Variants in NAALADL2 observed in about 807,000 individuals in gnomAD.
NAALADL2 encodes N-acetylated alpha-linked acidic dipeptidase like 2, also known as inactive N-acetylated-alpha-linked acidic dipeptidase-like protein 2.
In NAALADL2, 76 loss-of-function variants were observed where a neutral mutation model predicts 87.2. The ratio of observed to expected loss-of-function variants is 0.87; its 90% CI spans 0.72 to 1.05. The LOEUF is 1.05. Among genes scored for constraint, NAALADL2 ranks in the 50% least tolerant of loss-of-function variants. The pLI, the probability that NAALADL2 is intolerant of heterozygous loss-of-function variation, is 0.00. For synonymous variants in NAALADL2, 354 were observed against 331.0 expected, an observed-to-expected ratio of 1.07 and a Z score of -0.75; for missense variants, 1,089 against 945.8, an observed-to-expected ratio of 1.15 and a Z score of -1.99.
At chr3:175,113,382 C>T (rs375619974) in intron 2 of NAALADL2, among the ~76,000 whole-genome samples, 33 of 151,630 alleles carry the variant, frequency 2.2e-4, no homozygotes, top group African/African-American at 6.8e-4. Flanking sequence ...GTACACAAAA[C>T]TGCTTTTAGA....
At position 175,473,271 on chromosome 3, in the gene NAALADL2, C is replaced by A. The variant is rs138660409; in HGVS notation, c.1653+1513C>A. 1.9e-3 allele frequency among the ~76,000 whole-genome samples: 288 copies of A among 152,142 alleles called. 3 individuals are homozygous for A. The highest frequency in any genetic ancestry group is 6.1e-3 in the African/African-American group (253 of 41,552). On this transcript the variant is annotated intron_variant, in intron 9 of 13. Coordinates refer to ENST00000454872, the MANE Select transcript of NAALADL2 (RefSeq NM_207015.3). ...ATCACAAGTGATGATTGATGATTCA[C>A]AAATGATGACGTACATGTCAACATG...
Position 175,685,671 on chromosome 3 carries a change from G to T in NAALADL2, c.1897-51635G>T, listed in dbSNP as rs1391985563. Among the ~76,000 whole-genome samples the T allele has an allele frequency of 2.0e-5, 3 of 152,090 alleles. No homozygotes were observed. The South Asian group carries it at 6.2e-4, about 32-fold the overall frequency. On this transcript the variant is annotated intron_variant, in intron 11 of 13. Coordinates refer to ENST00000454872, the MANE Select transcript of NAALADL2 (RefSeq NM_207015.3). ...TTTTCAATCTGAGTCCAAAGGAGAG[G>T]TGATGGTGTAGTTTCCATCTGAAGG...
intron 1 of NAALADL2, among the ~76,000 whole-genome samples, chr3:174,862,856 C>T (rs1449906769): frequency 6.6e-6 from 1 of 152,074 alleles, no homozygotes; most frequent in Non-Finnish European, 1.5e-5. Context: ...TCTCCTTCTA[C>T]TTCAGTTCTT....
intron 10 of NAALADL2, among the ~76,000 whole-genome samples, chr3:175,592,834 A>G (rs1721712752): frequency 6.6e-6 from 1 of 151,882 alleles, no homozygotes; most frequent in South Asian, 2.1e-4. Context: ...GCACATGTAT[A>G]CATATGTAAC....
At position 175,467,097 on chromosome 3, in the gene NAALADL2, G is replaced by T; in HGVS notation, c.1446G>T (p.Lys482Asn). The change falls in exon 8 of 14, where the codon AAG becomes AAT. Residue 482 changes from lysine to asparagine, a missense_variant. Coordinates refer to ENST00000454872, the MANE Select transcript of NAALADL2 (RefSeq NM_207015.3). ...AFIRALMSKV[K>N]RGWRPDRTIV... is the part of the protein sequence containing the mutation. ...TCCGTGCCTTGATGTCAAAAGTTAA[G>T]AGAGGGTGGAGACCAGACCGAACTA... The T allele has an allele frequency of 1.2e-6, 2 of 1,613,920 alleles. No homozygotes were observed. Among genetic ancestry groups the T allele is most frequent in the Non-Finnish European group, 1.7e-6 (2 of 1,179,840 alleles).
chr3:175,428,875 T>C (rs1389387054), intron 5 of NAALADL2, among the ~76,000 whole-genome samples: 2 of 152,094 alleles, frequency 1.3e-5, no homozygotes, highest in African/African-American at 4.8e-5. Context: ...ATTATATAAA[T>C]GATAGCACAC....
chr3:175,659,599 G>A (rs1434738094), intron 11 of NAALADL2, among the ~76,000 whole-genome samples: 1 of 152,036 alleles, frequency 6.6e-6, no homozygotes. Flanking sequence ...TCAATATTTT[G>A]CAATTTTAAA....
intron 2 of NAALADL2, among the ~76,000 whole-genome samples, chr3:174,701,840 T>C (rs1005428261): frequency 2.6e-5 from 4 of 152,196 alleles, no homozygotes; most frequent in Non-Finnish European, 2.9e-5. Context: ...TATTCATTCA[T>C]GTGTCGGACA....
At chr3:175,467,915 G>A (rs1280940362) in intron 8 of NAALADL2, among the ~76,000 whole-genome samples, 3 of 152,104 alleles carry the variant, frequency 2.0e-5, no homozygotes, top group Admixed American at 6.5e-5. Flanking sequence ...TTGATAGAAA[G>A]TCTATTTACT....
rs1297900148 is a variant in NAALADL2 at position 175,134,665 on chromosome 3, A to T, written c.545+37374A>T. Among the ~76,000 whole-genome samples, 11 of 151,776 alleles carry T rather than the reference A, an allele frequency of 7.2e-5. No homozygotes were observed. In the East Asian group the frequency reaches 2.1e-3, roughly 29 times the overall value. On this transcript the variant is annotated intron_variant, in intron 2 of 13. Transcript: ENST00000454872. ...AATAGTTAATAAAGCTCTTTTGAAG[A>T]CTAAGGGTGAGGGTGGAACAATAAG...
intron 9 of NAALADL2, among the ~76,000 whole-genome samples, chr3:175,508,633 C>T (rs1056024992): frequency 3.9e-5 from 6 of 152,110 alleles, no homozygotes; most frequent in Non-Finnish European, 8.8e-5. Context: ...TAGCCAGTCA[C>T]CAAGTCCCAT....
upstream of NAALADL2, among the ~76,000 whole-genome samples, chr3:174,858,752 C>A (rs1319127764): frequency 6.6e-6 from 1 of 151,866 alleles, no homozygotes; most frequent in Admixed American, 6.6e-5. Flanking sequence ...GTGTTTAGCA[C>A]AGCCATACAT....
At chr3:175,484,477 A>G (rs1726961360) in intron 9 of NAALADL2, among the ~76,000 whole-genome samples, 1 of 152,152 alleles carries the variant, frequency 6.6e-6, no homozygotes, top group Admixed American at 6.6e-5. Context: ...ATAGTCATTT[A>G]CTGTTGCCAT....
Position 174,645,856 on chromosome 3 carries a change from A to C in NAALADL2, c.-114-91785A>C, listed in dbSNP as rs536547691. On this transcript the variant is annotated intron_variant, in intron 2 of 3. Transcript: ENST00000434257. ...TATTGCCATGAAATTTTATGGATCA[A>C]ATGGAGATTATTATATTTTCTGGAG... Among the ~76,000 whole-genome samples, 450 of 152,284 alleles carry C rather than the reference A, an allele frequency of 3.0e-3. 1 individual carries two copies. Among genetic ancestry groups the C allele is most frequent in the Middle Eastern group, 6.8e-3 (2 of 292 alleles).
At chr3:175,396,910 C>A (rs1271396550) in intron 5 of NAALADL2, among the ~76,000 whole-genome samples, 3 of 152,118 alleles carry the variant, frequency 2.0e-5, no homozygotes, top group African/African-American at 7.2e-5. Flanking sequence ...CCCAACCCTG[C>A]AGAACTGTGA....
intron 11 of NAALADL2, among the ~76,000 whole-genome samples, chr3:175,671,289 A>G (rs1300877316): frequency 6.6e-6 from 1 of 151,934 alleles, no homozygotes; most frequent in South Asian, 2.1e-4. Flanking sequence ...TGTTGGATAT[A>G]TCTGAAATTT....
chr3:174,877,166 GA>G (rs143243653), intron 1 of NAALADL2, among the ~76,000 whole-genome samples: 5,428 of 152,158 alleles, frequency 0.036, 158 homozygotes, highest in Non-Finnish European at 0.054. Flanking sequence ...ATTTTGGGGG[GA>G]GACAAACATT....
At chr3:175,253,805 G>T (rs1043321810) in intron 3 of NAALADL2, among the ~76,000 whole-genome samples, 2 of 152,142 alleles carry the variant, frequency 1.3e-5, no homozygotes, top group Admixed American at 6.5e-5. Flanking sequence ...AAGATTTTAA[G>T]GAGGTAACTG....
intron 9 of NAALADL2, among the ~76,000 whole-genome samples, chr3:175,558,749 T>C (rs530615324): frequency 9.8e-5 from 15 of 152,356 alleles, no homozygotes; most frequent in African/African-American, 3.4e-4. Flanking sequence ...TATGAGTTTA[T>C]CGGTGGATTC....
Sources: gnomAD v4.1 joint callset for allele counts (sites outside exome capture counted in the v4.1 genomes callset) on GRCh38, gnomAD v4.1.1 for gene constraint, MANE v1.5 for transcripts, NCBI Gene and HGNC (gene_info 2026-07-23, HGNC 2026-07-21) for gene names.